Variants in CSMD3 observed in about 807,000 individuals in gnomAD.
The protein encoded by CSMD3 is CUB and Sushi multiple domains 3, also known as CUB and sushi domain-containing protein 3.
CSMD3 carries 177 observed loss-of-function variants against 435.2 expected under a neutral mutation model. The observed-to-expected ratio is 0.41, with a 90% CI of 0.36 to 0.46. CSMD3 has a LOEUF of 0.46. Among genes scored for constraint, CSMD3 ranks in the 20% least tolerant of loss-of-function variants. CSMD3 has a pLI of 0.34. For synonymous variants in CSMD3, 1,656 were observed against 1,520.5 expected (o/e 1.09, Z -2.07); for missense variants, 4,265 against 4,504.6 (o/e 0.95, Z 1.52).
chr8:112,464,668 T>C (rs1198079974), intron 32 of CSMD3, among the ~76,000 whole-genome samples: 1 of 152,140 alleles, frequency 6.6e-6, no homozygotes, highest in Non-Finnish European at 1.5e-5. Context: ...CAAAAACTTA[T>C]AATGTAAAAA....
chr8:112,859,105 T>C (rs2080750782), intron 11 of CSMD3, 40 bp downstream of exon 11: 1 of 1,584,398 alleles, frequency 6.3e-7, no homozygotes, highest in Admixed American at 1.7e-5. Context: ...GTCTTTATGA[T>C]TATGACTTTT....
At chr8:113,136,220 C>T (rs188126272) in intron 4 of CSMD3, among the ~76,000 whole-genome samples, 2 of 151,748 alleles carry the variant, frequency 1.3e-5, no homozygotes, top group East Asian at 1.9e-4. Flanking sequence ...TCTGAGCCAT[C>T]GCAGACAAGT....
intron 1 of CSMD3, among the ~76,000 whole-genome samples, chr8:113,384,989 CA>C (rs1189598842): frequency 6.6e-6 from 1 of 152,052 alleles, no homozygotes; most frequent in Admixed American, 6.6e-5. Context: ...CCAGAATATG[CA>C]TAATGATAAT....
intron 3 of CSMD3, among the ~76,000 whole-genome samples, chr8:113,254,525 G>A (rs1469419772): frequency 6.6e-6 from 1 of 152,118 alleles, no homozygotes; most frequent in Non-Finnish European, 1.5e-5. Flanking sequence ...CATTATGTAA[G>A]GCACACATGG....
intron 1 of CSMD3, among the ~76,000 whole-genome samples, chr8:113,333,607 G>A (rs75500885): frequency 0.01 from 1,540 of 151,766 alleles, 22 homozygotes; most frequent in African/African-American, 0.036. Context: ...CTATCTTTGA[G>A]GTTCTCTATT....
chr8:113,424,706 A>C (rs946379056), intron 1 of CSMD3, among the ~76,000 whole-genome samples: 1 of 151,582 alleles, frequency 6.6e-6, no homozygotes, highest in African/African-American at 2.4e-5. Flanking sequence ...AGTTAATATC[A>C]GTTGGCTGAA....
chr8:112,317,207 T>C (rs1226951945), intron 47 of CSMD3, among the ~76,000 whole-genome samples: 3 of 151,998 alleles, frequency 2.0e-5, no homozygotes, highest in African/African-American at 7.2e-5. Flanking sequence ...ATAAGTTCAA[T>C]TACTAATCTA....
chr8:113,104,383 TG>T (rs1443405228), intron 4 of CSMD3, among the ~76,000 whole-genome samples: 1 of 152,154 alleles, frequency 6.6e-6, no homozygotes, highest in East Asian at 1.9e-4. Context: ...CAGGCATCAC[TG>T]TTGTGTGCCT....
intron 12 of CSMD3, among the ~76,000 whole-genome samples, chr8:112,811,763 G>C (rs2079234593): frequency 6.6e-6 from 1 of 152,032 alleles, no homozygotes; most frequent in African/African-American, 2.4e-5. Context: ...TTTACATTTT[G>C]TGAAGCGGAT....
At position 112,573,138 on chromosome 8, in the gene CSMD3, T is replaced by C. The variant is rs147056094; in HGVS notation, c.4042+363A>G. Among the ~76,000 whole-genome samples the C allele has an allele frequency of 3.0e-3, 459 of 152,240 alleles. 1 individual carries two copies. The highest frequency in any genetic ancestry group is 0.011 in the African/African-American group (437 of 41,578). On this transcript the variant is annotated intron_variant, in intron 24 of 70. Coordinates refer to ENST00000297405, the MANE Select transcript of CSMD3 (RefSeq NM_198123.2). ...TAACTGACCAATAATAATCATTGCA[T>C]CTTTGCAGTTCAAGATGAGAGTTCA... is the stretch of plus-strand genomic sequence containing the variant.
intron 5 of CSMD3, among the ~76,000 whole-genome samples, chr8:113,037,664 T>A (rs970525307): frequency 6.6e-6 from 1 of 151,772 alleles, no homozygotes; most frequent in Non-Finnish European, 1.5e-5. Context: ...TAATTAGCTT[T>A]TTTGCTGTTT....
Position 112,229,870 on chromosome 8 carries a change from T to C in CSMD3, c.10829-979A>G, listed in dbSNP as rs1812928949. Among the ~76,000 whole-genome samples, 5 of 148,140 alleles carry C rather than the reference T, an allele frequency of 3.4e-5. No individual in the cohort carries two copies. The South Asian group carries it at 8.4e-4, about 25-fold the overall frequency. ...ACTGGAATCAGGTGTAGTTAGAAGA[T>C]TGTAGTGACAGCCGAGATTAAAAAA... On this transcript the variant is annotated intron_variant, in intron 69 of 70. Coordinates refer to ENST00000297405, the MANE Select transcript of CSMD3 (RefSeq NM_198123.2).
intron 9 of CSMD3, among the ~76,000 whole-genome samples, chr8:112,922,251 G>A (rs1587678516): frequency 6.6e-6 from 1 of 151,772 alleles, no homozygotes; most frequent in East Asian, 1.9e-4. Context: ...GGTATATAGT[G>A]GGTGTATATA....
chr8:113,211,597 G>A (rs2092835400), intron 3 of CSMD3, among the ~76,000 whole-genome samples: 1 of 152,138 alleles, frequency 6.6e-6, no homozygotes, highest in Admixed American at 6.6e-5. Context: ...GCTGAGGCAG[G>A]AGAACCGCTT....
chr8:112,908,230 G>C (rs1360032284), intron 10 of CSMD3, among the ~76,000 whole-genome samples: 2 of 151,340 alleles, frequency 1.3e-5, no homozygotes, highest in Non-Finnish European at 3.0e-5. Flanking sequence ...GTTATTAGAA[G>C]GGTATATCCT....
chr8:112,950,462 T>C (rs2083768300), intron 8 of CSMD3, among the ~76,000 whole-genome samples: 1 of 152,026 alleles, frequency 6.6e-6, no homozygotes, highest in East Asian at 1.9e-4. Flanking sequence ...TATTAGAAAA[T>C]AGAAATAAGA....
At position 112,728,958 on chromosome 8, in the gene CSMD3, T is replaced by C. The variant is rs112491001; in HGVS notation, c.1973-38908A>G. Among the ~76,000 whole-genome samples the C allele has an allele frequency of 5.3e-4, 80 of 152,158 alleles. 1 individual carries two copies. Among genetic ancestry groups the C allele is most frequent in the African/African-American group, 1.8e-3 (74 of 41,560 alleles). ...AATTTAAGAGTTACATATACATATA[T>C]ACACATACATATACAAACACACATA... On this transcript the variant is annotated intron_variant, in intron 13 of 70. Transcript: ENST00000297405.
intron 20 of CSMD3, among the ~76,000 whole-genome samples, chr8:112,644,678 T>A (rs2131610620): frequency 6.6e-6 from 1 of 152,202 alleles, no homozygotes; most frequent in African/African-American, 2.4e-5. Flanking sequence ...AGAATATAAT[T>A]GTTACAAACA....
chr8:112,334,895 A>G (rs1389255998), intron 45 of CSMD3, among the ~76,000 whole-genome samples: 1 of 152,232 alleles, frequency 6.6e-6, no homozygotes, highest in African/African-American at 2.4e-5. Flanking sequence ...AAACAACAGT[A>G]TAAATGAATG....
Sources: allele counts gnomAD v4.1 joint callset (sites outside exome capture counted in the v4.1 genomes callset), GRCh38; gene constraint gnomAD v4.1.1; transcripts MANE v1.5; gene names NCBI Gene and HGNC (gene_info 2026-07-23, HGNC 2026-07-21).